ABLIM2: variants seen among roughly 807,000 people sequenced by gnomAD.
ABLIM2 encodes actin-binding LIM protein 2.
A neutral mutation model predicts 97.7 loss-of-function variants in ABLIM2; 53 were observed. The observed-to-expected ratio is 0.54, with a 90% confidence interval of 0.44 to 0.68. The LOEUF (loss-of-function observed/expected upper bound fraction) is 0.68. ABLIM2 is among the 30% of genes least tolerant of loss of function. The probability of loss-of-function intolerance (pLI) is 0.00; values close to 1 mark genes in which losing one functional copy is unlikely to be tolerated. For missense variants in ABLIM2, 835 were observed against 867.2 expected, an observed-to-expected ratio of 0.96 and a Z score of 0.47; for synonymous variants, 361 against 345.8, an observed-to-expected ratio of 1.04 and a Z score of -0.49.
In ABLIM2 at chr4:8,023,548, C is replaced by T. The variant is rs895247346; in HGVS notation, c.1268-3245G>A. ...CACTGGCCGTGGCGGCCTTGCTGAC[C>T]GGGTCATGCTCGTCAGCCATGGTGG... On this transcript the variant is annotated intron_variant, in intron 12 of 20. Coordinates refer to ENST00000447017, the MANE Select transcript of ABLIM2 (RefSeq NM_001130083.2). The surrounding 1 kb of genome is among the most constrained non-coding windows in gnomAD (Gnocchi z 5.7). Among the ~76,000 whole-genome samples, 6 of 152,300 alleles carry T rather than the reference C, an allele frequency of 3.9e-5. No individual in the cohort carries two copies. Among genetic ancestry groups the T allele is most frequent in the African/African-American group, 7.2e-5 (3 of 41,576 alleles).
intron 20 of ABLIM2, among the ~76,000 whole-genome samples, chr4:7,982,844 C>T (rs1242563925): frequency 6.6e-6 from 1 of 152,158 alleles, no homozygotes; most frequent in African/African-American, 2.4e-5. Flanking sequence ...GCTGGGATTA[C>T]AGGCACCTGC....
At chr4:8,139,006 G>C (rs1022373638) in intron 1 of ABLIM2, among the ~76,000 whole-genome samples, 1 of 152,218 alleles carries the variant, frequency 6.6e-6, no homozygotes, top group African/African-American at 2.4e-5. Context: ...AGACCAGCCT[G>C]GCCAACATGG....
At chr4:8,040,355 A>G (rs1408224357) in intron 9 of ABLIM2, among the ~76,000 whole-genome samples, 3 of 152,074 alleles carry the variant, frequency 2.0e-5, no homozygotes, top group Admixed American at 1.3e-4. Context: ...TCACACCTGT[A>G]CCCCCAGCAC....
At chr4:8,133,860 C>T (rs559752876) in intron 1 of ABLIM2, among the ~76,000 whole-genome samples, 11 of 152,214 alleles carry the variant, frequency 7.2e-5, no homozygotes, top group Non-Finnish European at 1.6e-4. Flanking sequence ...AGTGTCCCTG[C>T]CCACACCACA....
rs138578041 is a variant in ABLIM2 at position 7,982,417 on chromosome 4, C to G, written c.1824+847G>C. On this transcript the variant is annotated intron_variant, in intron 20 of 20. Transcript: ENST00000447017. The stretch of plus-strand genomic sequence containing the variant: ...TCATGACAGGGCTCAGGAGATGAAA[C>G]CCCCGGGCTGGATGCTGGGACACCG... Among the ~76,000 whole-genome samples, 1,337 of 152,310 alleles carry G rather than the reference C, an allele frequency of 8.8e-3. 10 individuals carry two copies. Among genetic ancestry groups the G allele is most frequent in the Middle Eastern group, 0.034 (10 of 294 alleles).
chr4:8,081,231 C>T (rs1193204239), intron 4 of ABLIM2, among the ~76,000 whole-genome samples: 1 of 152,168 alleles, frequency 6.6e-6, no homozygotes, highest in Non-Finnish European at 1.5e-5. Context: ...TGGGAGCTCT[C>T]CCGCCACACC....
At chr4:8,097,764 G>A (rs954570872) in intron 2 of ABLIM2, among the ~76,000 whole-genome samples, 1 of 152,044 alleles carries the variant, frequency 6.6e-6, no homozygotes, top group African/African-American at 2.4e-5. Context: ...CCTTGTGGTC[G>A]GTGCCTCCAG....
At chr4:7,995,289 G>A (rs12651521) in intron 16 of ABLIM2, among the ~76,000 whole-genome samples, 23,263 of 152,196 alleles carry the variant, frequency 0.15, 1,964 homozygotes, top group South Asian at 0.31. Flanking sequence ...CCCAGTACTG[G>A]GCCCTGGTGG....
At chr4:8,097,436 C>T (rs891940084) in intron 2 of ABLIM2, among the ~76,000 whole-genome samples, 154 bp from the exon 3 acceptor site, 2 of 152,296 alleles carry the variant, frequency 1.3e-5, no homozygotes, top group Non-Finnish European at 2.9e-5. Context: ...CAACTCTCGG[C>T]GGGCCGGGCT....
rs563963423 is a variant in ABLIM2, at chr4:8,001,808, C to T, written c.1618+6251G>A. Among the ~76,000 whole-genome samples the T allele has an allele frequency of 1.3e-5, 2 of 152,276 alleles. No individual in the cohort carries two copies. Among genetic ancestry groups the T allele is most frequent in the South Asian group, 4.1e-4 (2 of 4,828 alleles). The stretch of plus-strand genomic sequence containing the variant: ...GCTGCCCCCTTCCCCACTTCCCTGG[C>T]CCACTTCCTCTCCTGGCTTTCTCCC... On this transcript the variant is annotated intron_variant, in intron 16 of 20. Transcript: ENST00000447017. The surrounding 1 kb of genome is among the most constrained non-coding windows in gnomAD (Gnocchi z 4.2).
chr4:8,037,320 ACACATGCACACACATGCAGG>A, intron 9 of ABLIM2, among the ~76,000 whole-genome samples: 1 of 135,872 alleles, frequency 7.4e-6, no homozygotes, highest in Non-Finnish European at 1.5e-5. Flanking sequence ...ATGCATGCGC[ACACATGCACACACATGCAGG>A]CACACACACA....
At chr4:8,056,278 A>G (rs1799076696) in intron 7 of ABLIM2, among the ~76,000 whole-genome samples, 1 of 151,090 alleles carries the variant, frequency 6.6e-6, no homozygotes, top group Non-Finnish European at 1.5e-5. Context: ...GGTTCAGTGT[A>G]ATACACAGTT....
Position 7,986,012 on chromosome 4 carries a change from G to A in ABLIM2, c.1681-1119C>T, listed in dbSNP as rs1268252462. 6.6e-6 allele frequency among the ~76,000 whole-genome samples: 1 copy of A among 152,196 alleles called. No homozygotes were observed. On this transcript the variant is annotated intron_variant, in intron 17 of 20. Coordinates refer to ENST00000447017, the MANE Select transcript of ABLIM2 (RefSeq NM_001130083.2). This position sits in a 1 kb window ranked among gnomAD's most constrained non-coding sequence, Gnocchi z 4.3. ...TATGAGCCCTGAGCCATGCTCTGTT[G>A]CGGTTGTGCCTTGGCTGCCCGCGGT... is the stretch of plus-strand genomic sequence containing the variant.
At chr4:7,993,022 G>T in intron 16 of ABLIM2, 95 bp from the exon 17 acceptor site, 3 of 1,336,356 alleles carry the variant, frequency 2.2e-6, no homozygotes, top group Non-Finnish European at 3.2e-6. Context: ...GGTGGGCAAG[G>T]CTGGGCAAGC....
chr4:7,979,024 C>A (rs988224541), intron 20 of ABLIM2, among the ~76,000 whole-genome samples: 1 of 152,204 alleles, frequency 6.6e-6, no homozygotes, highest in African/African-American at 2.4e-5. Context: ...ACTCACTCTG[C>A]GCAGATGCTG....
rs1404926400 is a variant in ABLIM2, at chr4:8,068,936, G to T, written c.676-7882C>A. Among the ~76,000 whole-genome samples, 3 of 152,384 alleles carry T rather than the reference G, an allele frequency of 2.0e-5. No individual in the cohort carries two copies. The highest frequency in any genetic ancestry group is 1.9e-4 in the East Asian group (1 of 5,182). On this transcript the variant is annotated intron_variant, in intron 6 of 20. Transcript: ENST00000447017. The surrounding 1 kb of genome is among the most constrained non-coding windows in gnomAD (Gnocchi z 4.5). ...CTGTGAGCAGGGGATCCCCCTGGGG[G>T]TGTTTGGCGGCCAGGACAGAATCCC...
Position 8,003,523 on chromosome 4 carries a change from C to T in ABLIM2, c.1618+4536G>A, listed in dbSNP as rs1019415537. Among the ~76,000 whole-genome samples, 2 of 151,738 alleles carry T rather than the reference C, an allele frequency of 1.3e-5. No homozygotes were observed. Among genetic ancestry groups the T allele is most frequent in the Non-Finnish European group, 2.9e-5 (2 of 67,946 alleles). ...GAATCTGTTGACTGGCAGCTCCCACCCACTGTCTCTGGACCACTACGCTCT... is the reference window on the plus strand; with the variant it reads ...GAATCTGTTGACTGGCAGCTCCCACTCACTGTCTCTGGACCACTACGCTCT... On this transcript the variant is annotated intron_variant, in intron 16 of 20. Coordinates refer to ENST00000447017, the MANE Select transcript of ABLIM2 (RefSeq NM_001130083.2). This position sits in a 1 kb window ranked among gnomAD's most constrained non-coding sequence, Gnocchi z 4.2.
chr4:8,038,559 T>C (rs1436726991), intron 9 of ABLIM2, among the ~76,000 whole-genome samples: 2 of 152,208 alleles, frequency 1.3e-5, no homozygotes, highest in African/African-American at 4.8e-5. Flanking sequence ...TCCTGTATTC[T>C]TCAGGGTCTG....
intron 16 of ABLIM2, chr4:7,993,925 G>T: frequency 1.9e-6 from 1 of 514,380 alleles, no homozygotes; most frequent in Middle Eastern, 3.2e-4. Context: ...GGGAGTTTGA[G>T]ACCTCCGAAG....
Sources: allele counts gnomAD v4.1 joint callset (sites outside exome capture counted in the v4.1 genomes callset), GRCh38; gene constraint gnomAD v4.1.1; non-coding constraint Gnocchi (gnomAD v3.1); transcripts MANE v1.5; gene names NCBI Gene and HGNC (gene_info 2026-07-23, HGNC 2026-07-21).